CCDC83: variants seen among roughly 807,000 people sequenced by gnomAD.
CCDC83 encodes the protein coiled-coil domain containing 83, also known as coiled-coil domain-containing protein 83.
A neutral mutation model predicts 50.1 loss-of-function variants in CCDC83; 54 were observed. The observed-to-expected ratio is 1.08, with a 90% confidence interval of 0.87 to 1.35. The LOEUF (loss-of-function observed/expected upper bound fraction) is 1.35. Among genes scored for constraint, CCDC83 ranks in the 40% most tolerant of loss-of-function variants. The probability of loss-of-function intolerance (pLI) is 0.00; values close to 1 mark genes in which losing one functional copy is unlikely to be tolerated. For missense variants in CCDC83, 518 were observed against 473.9 expected (o/e 1.09, Z -0.86); for synonymous variants, 161 against 153.3 (o/e 1.05, Z -0.37).
intron 2 of CCDC83, among the ~76,000 whole-genome samples, chr11:85,870,114 T>C (rs2093228724): frequency 6.6e-6 from 1 of 152,214 alleles, no homozygotes; most frequent in Admixed American, 6.5e-5. Context: ...GGGATGCCAG[T>C]TGTAGCAAAT....
intron 6 of CCDC83, among the ~76,000 whole-genome samples, chr11:85,898,580 G>T (rs554728711): frequency 4.6e-5 from 7 of 152,126 alleles, no homozygotes; most frequent in Non-Finnish European, 8.8e-5. Flanking sequence ...TCATGTTTTT[G>T]CTATATGTTG....
chr11:85,857,271 A>C (rs796777547), intron 1 of CCDC83, among the ~76,000 whole-genome samples: 8 of 152,192 alleles, frequency 5.3e-5, no homozygotes, highest in African/African-American at 1.7e-4. Context: ...GGAGATGGCC[A>C]TCCTCATTGA....
chr11:85,897,255 A>G (rs146161214), intron 6 of CCDC83, among the ~76,000 whole-genome samples: 1,618 of 152,342 alleles, frequency 0.011, 21 homozygotes, highest in Admixed American at 0.015. Flanking sequence ...GAGACTTGCT[A>G]ATGAGGAGAC....
chr11:85,908,780 G>GTTCTAC (rs927969829), intron 7 of CCDC83, among the ~76,000 whole-genome samples: 1 of 151,572 alleles, frequency 6.6e-6, no homozygotes, highest in Non-Finnish European at 1.5e-5. Flanking sequence ...TTAGCCAAGT[G>GTTCTAC]TTCTACTACT....
intron 7 of CCDC83, among the ~76,000 whole-genome samples, chr11:85,907,010 G>A (rs2093429039): frequency 6.6e-6 from 1 of 151,866 alleles, no homozygotes; most frequent in Non-Finnish European, 1.5e-5. Flanking sequence ...AAGTTTACTT[G>A]CAAAAGTAAT....
At chr11:85,904,679 C>T (rs1355908329) in intron 7 of CCDC83, among the ~76,000 whole-genome samples, 1 of 152,122 alleles carries the variant, frequency 6.6e-6, no homozygotes, top group East Asian at 1.9e-4. Flanking sequence ...CGTGGATGTC[C>T]CAAAGGCATT....
chr11:85,893,822 C>T lies in CCDC83; in HGVS notation c.512-1471C>T, dbSNP rs555683343. The stretch of plus-strand genomic sequence containing the variant: ...TGTCTCCCATCACCCCCAGATGGGA[C>T]CATCTATAACCAAGAAAACATATCA... On this transcript the variant is annotated intron_variant, in intron 5 of 10. Transcript: ENST00000342404. 4.7e-4 allele frequency among the ~76,000 whole-genome samples: 71 copies of T among 152,242 alleles called. 1 individual carries two copies. Among genetic ancestry groups the T allele is most frequent in the African/African-American group, 1.6e-3 (68 of 41,552 alleles).
intron 7 of CCDC83, among the ~76,000 whole-genome samples, chr11:85,902,855 T>C (rs79557383): frequency 0.045 from 6,911 of 152,256 alleles, 261 homozygotes; most frequent in South Asian, 0.076. Flanking sequence ...GCATGGGTTA[T>C]AGCATGTTTA....
intron 3 of CCDC83, among the ~76,000 whole-genome samples, chr11:85,876,844 TA>T (rs1255954699): frequency 6.6e-6 from 1 of 152,232 alleles, no homozygotes; most frequent in African/African-American, 2.4e-5. Flanking sequence ...GTTAAAAGGG[TA>T]AGCATGACAT....
chr11:85,868,626 C>T (rs1333090152), intron 2 of CCDC83, among the ~76,000 whole-genome samples: 2 of 152,154 alleles, frequency 1.3e-5, no homozygotes, highest in Non-Finnish European at 2.9e-5. Flanking sequence ...CTGCCTTGGC[C>T]TCCCAAAGTG....
intron 1 of CCDC83, among the ~76,000 whole-genome samples, chr11:85,863,794 C>A (rs1358129249): frequency 6.6e-6 from 1 of 152,214 alleles, no homozygotes; most frequent in African/African-American, 2.4e-5. Flanking sequence ...TTGCAGAAGG[C>A]AGCCATTCTA....
intron 6 of CCDC83, among the ~76,000 whole-genome samples, chr11:85,896,350 G>A (rs990957665): frequency 7.7e-5 from 10 of 130,510 alleles, no homozygotes; most frequent in Admixed American, 3.6e-4. Context: ...GTAGTGAGCC[G>A]TATTTGCGCC....
chr11:85,860,951 G>C (rs937286279), intron 1 of CCDC83, among the ~76,000 whole-genome samples: 2 of 151,718 alleles, frequency 1.3e-5, no homozygotes, highest in Non-Finnish European at 2.9e-5. Flanking sequence ...TGAACACAAA[G>C]ATGGGAAAAA....
intron 1 of CCDC83, among the ~76,000 whole-genome samples, chr11:85,861,371 C>G (rs1460145613): frequency 6.6e-6 from 1 of 152,120 alleles, no homozygotes; most frequent in Non-Finnish European, 1.5e-5. Flanking sequence ...TTGGGAACTG[C>G]AGTTCAAAAC....
chr11:85,886,702 A>T (rs922963776), intron 5 of CCDC83, among the ~76,000 whole-genome samples: 12 of 152,160 alleles, frequency 7.9e-5, no homozygotes, highest in African/African-American at 2.9e-4. Flanking sequence ...CGCTTGAGCC[A>T]AGAAGTTTGA....
chr11:85,895,474 AT>A, intron 6 of CCDC83, 90 bp downstream of exon 6: 1 of 719,614 alleles, frequency 1.4e-6, no homozygotes, highest in Non-Finnish European at 2.3e-6. Context: ...AGAACTTTGG[AT>A]AGATTCTCAG....
rs768108296 is a variant in CCDC83 at position 85,886,341 on chromosome 11, T to A, written c.485T>A (p.Val162Asp). The A allele has an allele frequency of 2.5e-6, 4 of 1,594,172 alleles. No homozygotes were observed. The African/African-American group carries it at 5.4e-5, about 22-fold the overall frequency. The change falls in exon 5 of 11, where the codon GTT (valine) becomes GAT (aspartate). Residue 162 changes from valine to aspartate, a missense_variant. By Grantham distance (152) the Val-to-Asp change is radical. Transcript: ENST00000342404. ...ITSLQNDINTVKENAEKMSEH... is the reference protein window; with the variant it reads ...ITSLQNDINTDKENAEKMSEH... ...TCCTTACAAAATGACATCAACACAG[T>A]TAAAGAGAATGCAGAGAAAATGTCA... is the stretch of plus-strand genomic sequence containing the variant.
chr11:85,866,412 G>C (rs1178420072), intron 2 of CCDC83, among the ~76,000 whole-genome samples: 1 of 152,162 alleles, frequency 6.6e-6, no homozygotes, highest in East Asian at 1.9e-4. Flanking sequence ...TGACAGGGTG[G>C]TATGGTGGCT....
chr11:85,858,854 G>A (rs556705279), intron 1 of CCDC83, among the ~76,000 whole-genome samples: 17 of 152,280 alleles, frequency 1.1e-4, no homozygotes, highest in African/African-American at 4.1e-4. Flanking sequence ...GAATTTTCCT[G>A]AGAGCCTGAC....
Sources: allele counts gnomAD v4.1 joint callset (sites outside exome capture counted in the v4.1 genomes callset), GRCh38; gene constraint gnomAD v4.1.1; transcripts MANE v1.5; gene names NCBI Gene and HGNC (gene_info 2026-07-23, HGNC 2026-07-21).